The following SLC35F1 variants were observed in gnomAD, a reference collection of about 807,000 sequenced individuals.
The protein encoded by SLC35F1 is solute carrier family 35 member F1.
A neutral mutation model predicts 48.7 loss-of-function variants in SLC35F1; 14 were observed. The ratio of observed to expected loss-of-function variants is 0.29; its 90% confidence interval spans 0.19 to 0.45. SLC35F1 has a LOEUF of 0.45. SLC35F1 is among the 20% of genes least tolerant of loss of function. SLC35F1 has a pLI of 1.00. For missense variants in SLC35F1, 404 were observed against 500.0 expected, an observed-to-expected ratio of 0.81 and a Z score of 1.83; for synonymous variants, 190 against 202.2, an observed-to-expected ratio of 0.94 and a Z score of 0.51.
At chr6:118,035,381 C>G (rs1772110815) in intron 1 of SLC35F1, among the ~76,000 whole-genome samples, 1 of 151,464 alleles carries the variant, frequency 6.6e-6, no homozygotes, top group Non-Finnish European at 1.5e-5. Flanking sequence ...CCAAGGTGAG[C>G]AGATCACCTG....
At chr6:118,053,055 C>T (rs533487667) in intron 1 of SLC35F1, among the ~76,000 whole-genome samples, 72 of 150,512 alleles carry the variant, frequency 4.8e-4, no homozygotes, top group Non-Finnish European at 4.6e-4. Context: ...GGACTTGAAT[C>T]GATACTGTGA....
chr6:117,990,693 A>G (rs775692064), intron 1 of SLC35F1, among the ~76,000 whole-genome samples: 3 of 152,162 alleles, frequency 2.0e-5, no homozygotes, highest in Non-Finnish European at 4.4e-5. Context: ...AAGGTATGTA[A>G]AAGAAGGTGG....
At chr6:118,162,934 G>A (rs73522225) in intron 2 of SLC35F1, among the ~76,000 whole-genome samples, 44,489 of 151,556 alleles carry the variant, frequency 0.29, 7,010 homozygotes, top group Non-Finnish European at 0.36. Flanking sequence ...TTTCGTGTGT[G>A]TGCTAATGTG....
At chr6:118,011,827 C>T (rs1267751505) in intron 1 of SLC35F1, among the ~76,000 whole-genome samples, 1 of 152,092 alleles carries the variant, frequency 6.6e-6, no homozygotes, top group African/African-American at 2.4e-5. Context: ...AATTATCCAG[C>T]TCAAATTGTC....
chr6:118,133,346 G>A (rs1167532953), intron 1 of SLC35F1, among the ~76,000 whole-genome samples: 1 of 152,066 alleles, frequency 6.6e-6, no homozygotes, highest in African/African-American at 2.4e-5. Context: ...TGACTGAGAA[G>A]CTTTTTCAAA....
chr6:118,119,548 A>T (rs552899192), intron 1 of SLC35F1, among the ~76,000 whole-genome samples: 38 of 116,124 alleles, frequency 3.3e-4, no homozygotes, highest in African/African-American at 1.1e-3. Context: ...CTTGTCGCCC[A>T]GGCTGGAGTG....
intron 1 of SLC35F1, among the ~76,000 whole-genome samples, chr6:118,096,427 A>C (rs1378593191): frequency 1.3e-5 from 2 of 152,194 alleles, no homozygotes; most frequent in African/African-American, 2.4e-5. Flanking sequence ...AGCCATCTCA[A>C]ATCTTTGTTG....
chr6:118,002,482 G>T (rs1777115371), intron 1 of SLC35F1, among the ~76,000 whole-genome samples: 2 of 151,852 alleles, frequency 1.3e-5, no homozygotes, highest in African/African-American at 4.8e-5. Flanking sequence ...GATAGCATTA[G>T]GAGATATACC....
chr6:117,942,116 T>C (rs886451179), intron 1 of SLC35F1, among the ~76,000 whole-genome samples: 7 of 152,188 alleles, frequency 4.6e-5, no homozygotes, highest in African/African-American at 1.7e-4. Flanking sequence ...CAGTATCACA[T>C]CTTTTTACAG....
At chr6:118,084,420 A>G (rs950454560) in intron 1 of SLC35F1, among the ~76,000 whole-genome samples, 6 of 152,142 alleles carry the variant, frequency 3.9e-5, no homozygotes, top group African/African-American at 1.4e-4. Context: ...AGACATTTCT[A>G]GATGTTTCTA....
In SLC35F1 at chr6:118,165,375, C is replaced by G. The variant is rs184921077; in HGVS notation, c.349+10755C>G. On this transcript the variant is annotated intron_variant, in intron 2 of 7. Transcript: ENST00000360388. ...AAATGGTAAGAAAAGCATTCCTACT[C>G]CCTTGACTGAGACAGAACTTTTATT... 1.9e-3 allele frequency among the ~76,000 whole-genome samples: 286 copies of G among 152,280 alleles called. 2 individuals carry two copies. The highest frequency in any genetic ancestry group is 2.8e-3 in the Non-Finnish European group (188 of 68,038).
At chr6:118,078,982 C>G (rs574423952) in intron 1 of SLC35F1, among the ~76,000 whole-genome samples, 5 of 152,126 alleles carry the variant, frequency 3.3e-5, no homozygotes, top group African/African-American at 4.8e-5. Context: ...CCTGCTGGTC[C>G]TTTTGTCAGG....
rs368820764 is a variant in SLC35F1 at position 118,161,251 on chromosome 6, T to C, written c.349+6631T>C. Among the ~76,000 whole-genome samples, 5 of 152,154 alleles carry C rather than the reference T, an allele frequency of 3.3e-5. No homozygotes were observed. In the South Asian group the frequency reaches 1.0e-3, roughly 32 times the overall value. The stretch of plus-strand genomic sequence containing the variant: ...GAATGTGCCTCTGCCTCTGTGAATC[T>C]TTGCCCCCTACTTTCATTGCAGTTT... On this transcript the variant is annotated intron_variant, in intron 2 of 7. Coordinates refer to ENST00000360388, the MANE Select transcript of SLC35F1 (RefSeq NM_001029858.4).
chr6:117,962,498 T>C (rs1037176349), intron 1 of SLC35F1, among the ~76,000 whole-genome samples: 4 of 152,138 alleles, frequency 2.6e-5, no homozygotes, highest in Non-Finnish European at 5.9e-5. Context: ...ACACAAAAGA[T>C]TTTGATTCCG....
In SLC35F1 at chr6:118,123,725, A is replaced by C. The variant is rs988716640; in HGVS notation, c.174-30720A>C. Among the ~76,000 whole-genome samples the C allele has an allele frequency of 5.9e-5, 9 of 152,240 alleles. No homozygotes were observed. The East Asian group carries it at 7.7e-4, about 13-fold the overall frequency. On this transcript the variant is annotated intron_variant, in intron 1 of 7. Coordinates refer to ENST00000360388, the MANE Select transcript of SLC35F1 (RefSeq NM_001029858.4). ...CTCCTATCTCTTGTCAAAACATTAC[A>C]CCATTTTCTGGAACACCTTGCTTAA...
chr6:117,999,279 C>A, intron 1 of SLC35F1: 1 of 1,596,260 alleles, frequency 6.3e-7, no homozygotes, highest in Non-Finnish European at 8.5e-7. Flanking sequence ...GTTGCCCACC[C>A]CAAGCTTGGG....
chr6:117,977,044 T>C (rs541695199), intron 1 of SLC35F1, among the ~76,000 whole-genome samples: 90 of 152,324 alleles, frequency 5.9e-4, no homozygotes, highest in Non-Finnish European at 1.1e-3. Flanking sequence ...ATTTATACAT[T>C]TATATGCTTT....
In SLC35F1 at chr6:118,293,786, C is replaced by G. The variant is rs78141821; in HGVS notation, c.1002+8448C>G. Among the ~76,000 whole-genome samples the G allele has an allele frequency of 5.1e-3, 780 of 152,308 alleles. 9 individuals carry two copies. The highest frequency in any genetic ancestry group is 0.018 in the African/African-American group (748 of 41,564). Reference sequence around the variant, plus strand: ...CTGATTTTTAAAGTAGTTCAGGTATCTTGCTAGTATGTGATTTTAATAAAG... The same window carrying G: ...CTGATTTTTAAAGTAGTTCAGGTATGTTGCTAGTATGTGATTTTAATAAAG... On this transcript the variant is annotated intron_variant, in intron 7 of 7. Coordinates refer to ENST00000360388, the MANE Select transcript of SLC35F1 (RefSeq NM_001029858.4).
intron 1 of SLC35F1, among the ~76,000 whole-genome samples, chr6:117,923,164 A>AT (rs1562238157): frequency 6.6e-6 from 1 of 152,170 alleles, no homozygotes; most frequent in African/African-American, 2.4e-5. Flanking sequence ...ATTATACATG[A>AT]CAATACAGCC....
Sources: gnomAD v4.1 joint callset for allele counts (sites outside exome capture counted in the v4.1 genomes callset) on GRCh38, gnomAD v4.1.1 for gene constraint, MANE v1.5 for transcripts, NCBI Gene and HGNC (gene_info 2026-07-23, HGNC 2026-07-21) for gene names.